The following DHRS7B variants were observed in gnomAD, a reference collection of about 807,000 sequenced individuals.
The protein encoded by DHRS7B is peroxisomal reductase activating PPAR-gamma.
Under a neutral mutation model 26.4 loss-of-function variants are expected in DHRS7B, and 24 were observed. The ratio of observed to expected loss-of-function variants is 0.91; its 90% CI spans 0.66 to 1.28. The LOEUF is 1.28. Among genes scored for constraint, DHRS7B ranks in the 50% most tolerant of loss-of-function variants. DHRS7B has a pLI of 0.00. For missense variants in DHRS7B, 368 were observed against 419.4 expected (o/e 0.88, Z 1.07); for synonymous variants, 142 against 166.4 (o/e 0.85, Z 1.13).
In DHRS7B at chr17:21,150,125, A is replaced by AAC. The variant is rs1555537214; in HGVS notation, c.21-21892_21-21891insCA. Among the ~76,000 whole-genome samples the AAC allele has an allele frequency of 2.1e-3, 311 of 150,156 alleles. 1 individual carries two copies. Among genetic ancestry groups the AAC allele is most frequent in the Non-Finnish European group, 3.4e-3 (229 of 67,264 alleles). ...CTATTTAAAAAAAAAAAAAAAAAAA[A>AAC]AAAAAAACTAAGGCATAGAGTATCT... On this transcript the variant is annotated intron_variant, in intron 1 of 6. Transcript: ENST00000395511.
At position 21,154,636 on chromosome 17, in the gene DHRS7B, A is replaced by T. The variant is rs1973841581; in HGVS notation, c.21-17382A>T. 2.0e-5 allele frequency among the ~76,000 whole-genome samples: 3 copies of T among 152,388 alleles called. No individual in the cohort carries two copies. In the South Asian group the frequency reaches 6.2e-4, roughly 32 times the overall value. On this transcript the variant is annotated intron_variant, in intron 1 of 6. Transcript: ENST00000395511. ...GAAAAAGAATAAGTGAAGGTAAAAG[A>T]AAAGCATTATTTTTCTTATTCCTAA...
chr17:21,140,538 A>ACACACACACACACACACACACACC lies in DHRS7B; in HGVS notation c.20+13548_20+13549insACACACACACACACACACACACCC, dbSNP rs972677956. ...CACACACACACACACACACACACACACCCTGACACCCTATAGCTTTTACTT... is the reference window on the plus strand; with the variant it reads ...CACACACACACACACACACACACACACACACACACACACACACACACACCCCCTGACACCCTATAGCTTTTACTT... On this transcript the variant is annotated intron_variant, in intron 1 of 6. Coordinates refer to ENST00000395511, the MANE Select transcript of DHRS7B (RefSeq NM_015510.5). Among the ~76,000 whole-genome samples the ACACACACACACACACACACACACC allele has an allele frequency of 4.5e-4, 60 of 134,830 alleles. 3 individuals carry two copies. The highest frequency in any genetic ancestry group is 9.7e-4 in the South Asian group (4 of 4,128). The allele number at this position is 134,830 out of a possible 152,430, so 88.5% of individuals were successfully genotyped here.
chr17:21,165,306 CATT>C (rs1220712158), intron 1 of DHRS7B, among the ~76,000 whole-genome samples: 1 of 151,988 alleles, frequency 6.6e-6, no homozygotes, highest in Non-Finnish European at 1.5e-5. Flanking sequence ...AAGAGAGTGA[CATT>C]ATTCCAGTGT....
At chr17:21,184,553 T>C in intron 5 of DHRS7B, 90 bp downstream of exon 5, 1 of 1,321,576 alleles carries the variant, frequency 7.6e-7, no homozygotes, top group Middle Eastern at 1.9e-4. Context: ...AATTTAGACA[T>C]TGTAGAAATA....
intron 3 of DHRS7B, among the ~76,000 whole-genome samples, chr17:21,182,142 G>C (rs1398895052): frequency 1.3e-5 from 2 of 152,210 alleles, no homozygotes; most frequent in Middle Eastern, 3.2e-3. Flanking sequence ...TACCATGAAA[G>C]GGTGTTAGAT....
intron 1 of DHRS7B, among the ~76,000 whole-genome samples, chr17:21,150,452 A>C (rs979714475): frequency 1.3e-5 from 2 of 152,180 alleles, no homozygotes; most frequent in Non-Finnish European, 2.9e-5. Context: ...CCCCGTCTCT[A>C]CTACAAATAC....
At chr17:21,151,605 C>T (rs1318647882) in intron 1 of DHRS7B, among the ~76,000 whole-genome samples, 1 of 151,714 alleles carries the variant, frequency 6.6e-6, no homozygotes, top group Admixed American at 6.6e-5. Flanking sequence ...ACATCAGAGA[C>T]ATGAAATCAT....
At chr17:21,166,273 A>G (rs1473678189) in intron 1 of DHRS7B, 14 of 985,300 alleles carry the variant, frequency 1.4e-5, no homozygotes, top group Non-Finnish European at 1.6e-5. Flanking sequence ...TATTTTTACT[A>G]AAGCCAGCCT....
rs1453519946 is a variant in DHRS7B, at chr17:21,132,793, C to T, written c.20+5802C>T. ...AAATATGTAAGGAGGCAGCTTTAGG[C>T]TAAACTTCTTATAACAAGGTGATTA... On this transcript the variant is annotated intron_variant, in intron 1 of 6. Coordinates refer to ENST00000395511, the MANE Select transcript of DHRS7B (RefSeq NM_015510.5). 2.6e-5 allele frequency among the ~76,000 whole-genome samples: 4 copies of T among 152,266 alleles called. No homozygotes were observed. The East Asian group carries it at 7.7e-4, about 29-fold the overall frequency.
chr17:21,127,097 C>T (rs780321689), intron 1 of DHRS7B, 106 bp downstream of exon 1: 46 of 1,255,694 alleles, frequency 3.7e-5, no homozygotes, highest in Non-Finnish European at 4.5e-5. Flanking sequence ...AGTGGTCGAG[C>T]TAAGGCCGCG....
chr17:21,172,226 G>T, intron 2 of DHRS7B, 30 bp downstream of exon 2: 3 of 1,587,640 alleles, frequency 1.9e-6, no homozygotes, highest in Non-Finnish European at 2.6e-6. Flanking sequence ...CTGCCAGGGG[G>T]CGGGGGTAAG....
At chr17:21,188,895 A>T in intron 6 of DHRS7B, 32 bp downstream of exon 6, 1 of 1,613,864 alleles carries the variant, frequency 6.2e-7, no homozygotes, top group Non-Finnish European at 8.5e-7. Context: ...CTCCTATGAA[A>T]ATCTGTCGGT....
At chr17:21,187,358 G>A (rs886588355) in intron 5 of DHRS7B, among the ~76,000 whole-genome samples, 3 of 151,638 alleles carry the variant, frequency 2.0e-5, no homozygotes, top group African/African-American at 7.2e-5. Context: ...GGGTGCGGTG[G>A]CTCACGCCTG....
At chr17:21,157,944 G>GA (rs538901720) in intron 1 of DHRS7B, among the ~76,000 whole-genome samples, 495 of 144,420 alleles carry the variant, frequency 3.4e-3, no homozygotes, top group Middle Eastern at 7.1e-3. Context: ...GACCCTGTCT[G>GA]AAAAAAAAAA....
intron 1 of DHRS7B, among the ~76,000 whole-genome samples, chr17:21,163,877 C>T (rs1055188590): frequency 1.3e-5 from 2 of 151,854 alleles, no homozygotes; most frequent in Non-Finnish European, 2.9e-5. Flanking sequence ...TTGGTAGAGA[C>T]GGGGTTTTAC....
At chr17:21,169,355 G>T (rs1974185007) in intron 1 of DHRS7B, among the ~76,000 whole-genome samples, 1 of 152,164 alleles carries the variant, frequency 6.6e-6, no homozygotes, top group Non-Finnish European at 1.5e-5. Context: ...CCTGATCCAG[G>T]AACTTTGAGT....
At chr17:21,145,526 A>C (rs1973623693) in intron 1 of DHRS7B, among the ~76,000 whole-genome samples, 1 of 152,214 alleles carries the variant, frequency 6.6e-6, no homozygotes, top group Non-Finnish European at 1.5e-5. Context: ...GGGGAATTTT[A>C]AAAGGTCACT....
At chr17:21,158,763 G>C (rs1030226566) in intron 1 of DHRS7B, among the ~76,000 whole-genome samples, 4 of 152,152 alleles carry the variant, frequency 2.6e-5, no homozygotes, top group African/African-American at 9.7e-5. Context: ...AAACAAGTTA[G>C]AGGACTGACG....
Position 21,164,358 on chromosome 17 carries a change from G to A in DHRS7B, c.21-7660G>A, listed in dbSNP as rs538961139. Among the ~76,000 whole-genome samples the A allele has an allele frequency of 2.6e-5, 4 of 152,252 alleles. No individual in the cohort carries two copies. The East Asian group carries it at 7.7e-4, about 29-fold the overall frequency. On this transcript the variant is annotated intron_variant, in intron 1 of 6. Coordinates refer to ENST00000395511, the MANE Select transcript of DHRS7B (RefSeq NM_015510.5). Reference sequence around the variant, plus strand: ...GCTTAATTAAGTTTCTGAAACTGATGCCTGTAGATAGTTCCTCTTAGATAC... The same window carrying A: ...GCTTAATTAAGTTTCTGAAACTGATACCTGTAGATAGTTCCTCTTAGATAC...
Sources: gnomAD v4.1 joint callset for allele counts (sites outside exome capture counted in the v4.1 genomes callset) on GRCh38, gnomAD v4.1.1 for gene constraint, MANE v1.5 for transcripts, NCBI Gene and HGNC (gene_info 2026-07-23, HGNC 2026-07-21) for gene names.